Variants in RECQL4 observed in about 807,000 individuals in gnomAD.
The protein encoded by RECQL4 is RecQ like helicase 4, also known as ATP-dependent DNA helicase Q4.
RECQL4 carries 158 observed loss-of-function variants against 128.6 expected under a neutral mutation model. That is an observed-to-expected ratio of 1.23 (90% CI 1.08 to 1.40). RECQL4 has a LOEUF of 1.40. Ranked by LOEUF, RECQL4 falls within the 40% of genes most tolerant of loss-of-function variation. The probability of loss-of-function intolerance (pLI) is 0.00; values close to 1 mark genes in which losing one functional copy is unlikely to be tolerated. For synonymous variants in RECQL4, 996 were observed against 678.9 expected (o/e 1.47, Z -7.26); for missense variants, 2,293 against 1,649.8 (o/e 1.39, Z -6.75).
Position 144,517,050 on chromosome 8 carries a change from C to T in RECQL4, c.354G>A (p.Gln118=), listed in dbSNP as rs544163984. The stretch of plus-strand genomic sequence containing the variant: ...GACTCACTGCCTGCCCACTCCTCAC[C>T]TGCAGGGTGCCTTTCAGATTGGCCT... ...RLKANLKGTL[Q]AGPALGRRPW... The change falls in exon 4 of 21, where the codon CAG becomes CAA. Residue 118 remains glutamine (Q), a splice_region_variant and synonymous_variant. Transcript: ENST00000617875. 72 of 1,609,460 alleles carry T rather than the reference C, an allele frequency of 4.5e-5. No homozygotes were observed. Among genetic ancestry groups the T allele is most frequent in the South Asian group, 2.5e-4 (23 of 91,004 alleles).
At position 144,511,687 on chromosome 8, in the gene RECQL4, C is replaced by G. The variant is rs779410033; in HGVS notation, c.3496G>C (p.Gly1166Arg). 37 of 1,612,306 alleles carry G rather than the reference C, an allele frequency of 2.3e-5. No homozygotes were observed. Among genetic ancestry groups the G allele is most frequent in the Non-Finnish European group, 2.8e-5 (33 of 1,179,750 alleles). Residue 1166 changes from glycine to arginine, a missense_variant, in exon 20 of 21, where the codon GGC becomes CGC. Physicochemically the swap from Gly to Arg is moderately radical, Grantham distance 125. Transcript: ENST00000617875. ...GGGGCCTCCCAGGCCTCACCGATGC[C>G]GTGGAAGATGCGGGCCACAGCCCTG... The part of the protein sequence containing the change: ...SSRAVARIFH[G>R]IGSPCYPAQV...
chr8:144,513,826 G>A (rs1827732110), intron 12 of RECQL4, 102 bp downstream of exon 12: 1 of 1,352,778 alleles, frequency 7.4e-7, no homozygotes, highest in Non-Finnish European at 9.9e-7. Flanking sequence ...TGGGCGGTGG[G>A]GAGTGAGAAG....
rs1827851760 is a variant in RECQL4, at chr8:144,514,425, GCC to G, written c.1704+15_1704+16del. ...CGCCCGCTGCCTCCCTCACCCCTAG[GCC>G]CATGAGGCCCCCACCTTCTGCAGGA... On this transcript the variant is annotated intron_variant, in intron 10 of 20. Transcript: ENST00000617875. The G allele has an allele frequency of 6.2e-7, 1 of 1,610,046 alleles. No individual in the cohort carries two copies. Among genetic ancestry groups the G allele is most frequent in the Non-Finnish European group, 8.5e-7 (1 of 1,178,310 alleles).
At chr8:144,514,863 C>T in intron 9 of RECQL4, 73 bp downstream of exon 9, 1 of 1,553,600 alleles carries the variant, frequency 6.4e-7, no homozygotes, top group Non-Finnish European at 8.8e-7. Flanking sequence ...AGGGGACAAG[C>T]AGCAGTTGCC....
In RECQL4 at chr8:144,511,901, CT is replaced by C; in HGVS notation, c.3393+9del. On this transcript the variant is annotated intron_variant, in intron 19 of 20. Transcript: ENST00000617875. ...AACCCCGATGAGCTGCCTGGCCTTA[CT>C]GCACTCACTCTGGCCTGCCCTGGCT... 6.2e-7 allele frequency: 1 copy of C among 1,610,506 alleles called. No homozygotes were observed. Among genetic ancestry groups the C allele is most frequent in the Non-Finnish European group, 8.5e-7 (1 of 1,179,600 alleles).
In RECQL4 at chr8:144,516,028, A is replaced by G. The variant is rs1828135021; in HGVS notation, c.1091T>C (p.Val364Ala). The change falls in exon 5 of 21, where the codon GTG becomes GCG. Residue 364 changes from valine to alanine, a missense_variant. By Grantham distance (64) the Val-to-Ala change is moderately conservative (BLOSUM62 0). Transcript: ENST00000617875. ...CCTGCTACGGAGTGCCCGGCCCCGC[A>G]CGTAGTGTTTCTGCTTCATGTTGAG... ...VRLNMKQKHY[V>A]RGRALRSRLL... 1.2e-6 allele frequency: 2 copies of G among 1,611,428 alleles called. No individual in the cohort carries two copies. Among genetic ancestry groups the G allele is most frequent in the African/African-American group, 2.7e-5 (2 of 74,888 alleles).
rs1308346776 is a variant in RECQL4, at chr8:144,517,475, G to A, written c.152C>T (p.Thr51Ile). 3.1e-6 allele frequency: 5 copies of A among 1,597,052 alleles called. No homozygotes were observed. The highest frequency in any genetic ancestry group is 1.1e-5 in the South Asian group (1 of 89,522). The stretch of plus-strand genomic sequence containing the variant: ...GAGCCCGCCGCCGGCCTGGCCCGTG[G>A]TACGCTTCAGAGTGCGGTATTCCCG... ...LYREYRTLKR[T>I]TGQAGGGLRS... Residue 51 changes from threonine (T) to isoleucine (I), a missense_variant, in exon 3 of 21, where the codon ACC becomes ATC. Coordinates refer to ENST00000617875, the MANE Select transcript of RECQL4 (RefSeq NM_004260.4).
In RECQL4 at chr8:144,511,497, G is replaced by A. The variant is rs768782202; in HGVS notation, c.3561C>T (p.Tyr1187=). The change falls in exon 21 of 21, where the codon TAC becomes TAT. Residue 1187 remains tyrosine, a synonymous_variant. Coordinates refer to ENST00000617875, the MANE Select transcript of RECQL4 (RefSeq NM_004260.4). ...YGQDRRFWRK[Y]LHLSFHALVG... is the part of the protein sequence containing the mutation. ...CCAGGGCATGGAAGCTCAGGTGCAGGTATTTTCTCCAGAAGCGTCGGTCCT... is the reference window on the plus strand; with the variant it reads ...CCAGGGCATGGAAGCTCAGGTGCAGATATTTTCTCCAGAAGCGTCGGTCCT... 3 of 1,612,634 alleles carry A rather than the reference G, an allele frequency of 1.9e-6. No homozygotes were observed. The highest frequency in any genetic ancestry group is 4.5e-5 in the East Asian group (2 of 44,884).
Position 144,512,389 on chromosome 8 carries a change from C to T in RECQL4, c.3055+3G>A, listed in dbSNP as rs1827417304. 2 of 1,607,262 alleles carry T rather than the reference C, an allele frequency of 1.2e-6. No individual in the cohort carries two copies. The highest frequency in any genetic ancestry group is 2.2e-5 in the South Asian group (2 of 90,934). On this transcript the variant is annotated splice_donor_region_variant and intron_variant, in intron 17 of 20. Transcript: ENST00000617875. ...GGGCGGTGTGGGGTGGGGAGAGGCG[C>T]ACCTGTCCTGGGCTCGTGGTCCCAC...
rs1586797102 is a variant in RECQL4, at chr8:144,512,702, T to G, written c.2825A>C (p.Tyr942Ser). Residue 942 changes from tyrosine to serine, a missense_variant, in exon 16 of 21, where the codon TAT becomes TCT. Coordinates refer to ENST00000617875, the MANE Select transcript of RECQL4 (RefSeq NM_004260.4). ...HHWLELLATT[Y>S]THCRLNCPGG... ...AGGGCAGTTCAGACGGCAATGGGTA[T>G]AGGTGGTCGCCAGCAGCTCCAGCCA... 1 of 1,612,386 alleles carries G rather than the reference T, an allele frequency of 6.2e-7. No homozygotes were observed. The highest frequency in any genetic ancestry group is 1.1e-5 in the South Asian group (1 of 91,080).
rs183852597 is a variant in RECQL4, at chr8:144,515,045, G to A, written c.1511C>T (p.Thr504Ile). 2 of 1,609,546 alleles carry A rather than the reference G, an allele frequency of 1.2e-6. No individual in the cohort carries two copies. The highest frequency in any genetic ancestry group is 1.3e-5 in the African/African-American group (1 of 74,870). Residue 504 changes from threonine (T) to isoleucine (I), a missense_variant, in exon 9 of 21, where the codon ACA (threonine) becomes ATA (isoleucine). Thr to Ile is a moderately conservative substitution (Grantham distance 89). Coordinates refer to ENST00000617875, the MANE Select transcript of RECQL4 (RefSeq NM_004260.4). ...SGISTLLVLP[T>I]GAGKSLCYQL... ...GTAGCACAGGGACTTGCCGGCACCTGTAGGCAGCACCAGCAGCGTGGAGAT... is the reference window on the plus strand; with the variant it reads ...GTAGCACAGGGACTTGCCGGCACCTATAGGCAGCACCAGCAGCGTGGAGAT...
rs1827350610 is a variant in RECQL4 at position 144,512,158 on chromosome 8, G to C, written c.3222C>G (p.Phe1074Leu). 1 of 1,609,434 alleles carries C rather than the reference G, an allele frequency of 6.2e-7. No homozygotes were observed. Among genetic ancestry groups the C allele is most frequent in the South Asian group, 1.1e-5 (1 of 90,812 alleles). ...RQALARLRRT[F>L]QAFHSVAFPS... is the part of the protein sequence containing the mutation. ...CTCCTCCCAACCTGTGAAAGGCCTG[G>C]AAGGTTCTGCGCAGACGGGCCAGGG... The change falls in exon 18 of 21, where the codon TTC becomes TTG. Residue 1074 changes from phenylalanine (F) to leucine (L), a missense_variant. Physicochemically the swap from Phe to Leu is conservative, Grantham distance 22 (BLOSUM62 0). Coordinates refer to ENST00000617875, the MANE Select transcript of RECQL4 (RefSeq NM_004260.4).
At position 144,513,483 on chromosome 8, in the gene RECQL4, T is replaced by C. The variant is rs1554898541; in HGVS notation, c.2201-3A>G. The C allele has an allele frequency of 6.2e-7, 1 of 1,610,032 alleles. No homozygotes were observed. The highest frequency in any genetic ancestry group is 1.3e-5 in the African/African-American group (1 of 75,054). On this transcript the variant is annotated splice_polypyrimidine_tract_variant and splice_region_variant and intron_variant, in intron 13 of 20. Coordinates refer to ENST00000617875, the MANE Select transcript of RECQL4 (RefSeq NM_004260.4). ...GGCTGTGGTTTTGGGGGCACGACCT[T>C]TGGGGAAGACAGGCAGATGGTCAGT...
At chr8:144,515,302 C>G (rs1345596106) in intron 7 of RECQL4, 24 bp downstream of exon 7, 1 of 1,611,830 alleles carries the variant, frequency 6.2e-7, no homozygotes, top group Non-Finnish European at 8.5e-7. Context: ...AGTGAAGGCT[C>G]TGGGCCAGAA....
At chr8:144,517,290 T>C (rs968763228) in intron 3 of RECQL4, 100 bp from the exon 4 acceptor site, 1 of 1,503,136 alleles carries the variant, frequency 6.7e-7, no homozygotes, top group African/African-American at 1.4e-5. Context: ...CCGGCCCTTC[T>C]TCACTTTGCC....
Position 144,517,516 on chromosome 8 carries a change from G to T in RECQL4, c.119-8C>A. The T allele has an allele frequency of 6.3e-7, 1 of 1,583,920 alleles. No homozygotes were observed. On this transcript the variant is annotated splice_region_variant and splice_polypyrimidine_tract_variant and intron_variant, in intron 2 of 20. Coordinates refer to ENST00000617875, the MANE Select transcript of RECQL4 (RefSeq NM_004260.4). The stretch of plus-strand genomic sequence containing the variant: ...GGTATTCCCGGTAGAGCGCTGCGTG[G>T]GCGAGCGGGAGGCGGGGTCAGGGTG...
Position 144,512,729 on chromosome 8 carries a change from TG to T in RECQL4, c.2797del (p.His933ThrfsTer15). On this transcript the variant is annotated frameshift_variant, in exon 16 of 21. Transcript: ENST00000617875. LOFTEE classifies it high-confidence loss of function. ...LLCYLELHPH[H>X]WLELLATTYT... is the part of the protein sequence containing the mutation. ...GGTGGTCGCCAGCAGCTCCAGCCAGTGGTGTGGGTGCAGCTCCAGGTAGCAC... is the reference window on the plus strand; with the variant it reads ...GGTGGTCGCCAGCAGCTCCAGCCAGTGTGTGGGTGCAGCTCCAGGTAGCAC... 6.2e-7 allele frequency: 1 copy of T among 1,612,144 alleles called. No homozygotes were observed. Among genetic ancestry groups the T allele is most frequent in the Non-Finnish European group, 8.5e-7 (1 of 1,179,772 alleles).
chr8:144,516,313 C>T lies in RECQL4; in HGVS notation c.806G>A (p.Trp269Ter), dbSNP rs137853231. 3.7e-6 allele frequency: 6 copies of T among 1,609,950 alleles called. No homozygotes were observed. Among genetic ancestry groups the T allele is most frequent in the Non-Finnish European group, 3.4e-6 (4 of 1,179,046 alleles). Residue 269 changes from tryptophan (W) to a stop codon, truncating the protein, a stop_gained, in exon 5 of 21, where the codon TGG becomes TAG. Coordinates refer to ENST00000617875, the MANE Select transcript of RECQL4 (RefSeq NM_004260.4). LOFTEE classifies it high-confidence loss of function. ...GEKRRWNEEP[W>*]ESPAQVQQES... is the part of the protein sequence containing the mutation. Reference sequence around the variant, plus strand: ...CTGCTGGACCTGTGCGGGGCTCTCCCAGGGCTCCTCGTTCCATCTCCGCTT... The same window carrying T: ...CTGCTGGACCTGTGCGGGGCTCTCCTAGGGCTCCTCGTTCCATCTCCGCTT...
chr8:144,513,171 C>G (rs2130674762), intron 14 of RECQL4, 33 bp from the exon 15 acceptor site: 1 of 1,525,698 alleles, frequency 6.6e-7, no homozygotes, highest in Non-Finnish European at 8.8e-7. Context: ...GTGGGGTGGA[C>G]CACTGGGGGC....
Sources: allele counts gnomAD v4.1 joint callset, GRCh38; gene constraint gnomAD v4.1.1; transcripts MANE v1.5; gene names NCBI Gene and HGNC (gene_info 2026-07-23, HGNC 2026-07-21).